Variants in SGSM3 observed in about 807,000 individuals in gnomAD.
SGSM3 encodes the protein RUN and SH3 containing 3.
Under a neutral mutation model 100.5 loss-of-function variants are expected in SGSM3, and 96 were observed. That is an observed-to-expected ratio of 0.96 (90% CI 0.81 to 1.13). The LOEUF (loss-of-function observed/expected upper bound fraction) is 1.13. Among genes scored for constraint, SGSM3 ranks in the 50% most tolerant of loss-of-function variants. SGSM3 has a pLI of 0.00. For missense variants in SGSM3, 1,001 were observed against 1,015.8 expected (o/e 0.99, Z 0.20); for synonymous variants, 483 against 422.8 (o/e 1.14, Z -1.75).
chr22:40,406,867 G>A, intron 10 of SGSM3, 150 bp from the exon 11 acceptor site: 1 of 940,980 alleles, frequency 1.1e-6, no homozygotes, highest in Non-Finnish European at 1.6e-6. Context: ...GCACGGTTTG[G>A]GAGGAAGGCA....
chr22:40,401,984 G>A (rs56316811), intron 3 of SGSM3, among the ~76,000 whole-genome samples, 155 bp from the exon 4 acceptor site: 69 of 152,332 alleles, frequency 4.5e-4, no homozygotes, highest in East Asian at 3.5e-3. Flanking sequence ...AGAAGGTTGC[G>A]TGGTAACCAG....
intron 1 of SGSM3, among the ~76,000 whole-genome samples, chr22:40,386,870 A>C (rs1419903620): frequency 4.6e-5 from 7 of 151,988 alleles, no homozygotes; most frequent in Non-Finnish European, 1.0e-4. Context: ...TCTGTTAGAG[A>C]AGTTGGTTTG....
chr22:40,399,901 T>C (rs2050513353), intron 1 of SGSM3, among the ~76,000 whole-genome samples: 1 of 152,236 alleles, frequency 6.6e-6, no homozygotes, highest in Non-Finnish European at 1.5e-5. Flanking sequence ...TAAACTTGGC[T>C]TGGCCAGTGT....
chr22:40,402,273 T>C, intron 4 of SGSM3, 68 bp downstream of exon 4: 1 of 1,213,856 alleles, frequency 8.2e-7, no homozygotes, highest in Non-Finnish European at 1.2e-6. Flanking sequence ...CTCCCTTGAC[T>C]GAATTACTCG....
chr22:40,372,122 C>CTTTTTTTTTTTTTT (rs58396730), intron 1 of SGSM3, among the ~76,000 whole-genome samples: 1 of 65,200 alleles, frequency 1.5e-5, no homozygotes, highest in Non-Finnish European at 2.7e-5. Flanking sequence ...TCCCCCCCCC[C>CTTTTTTTTTTTTTT]TTTTTTTTTT....
At chr22:40,370,801 A>T (rs2045268768) in intron 1 of SGSM3, 113 bp downstream of exon 1, 1 of 152,052 alleles carries the variant, frequency 6.6e-6, no homozygotes, top group Admixed American at 6.5e-5. Flanking sequence ...GTATGGGCCG[A>T]AGGCGCCCAC....
At chr22:40,383,174 G>A (rs181242480) in intron 1 of SGSM3, among the ~76,000 whole-genome samples, 95 of 152,274 alleles carry the variant, frequency 6.2e-4, no homozygotes, top group Non-Finnish European at 3.8e-4. Flanking sequence ...TGAGATAGAA[G>A]TCAGTAGGAA....
chr22:40,389,387 C>T (rs2049000207), intron 1 of SGSM3, among the ~76,000 whole-genome samples: 1 of 149,124 alleles, frequency 6.7e-6, no homozygotes, highest in Non-Finnish European at 1.5e-5. Context: ...ATCACGAGGT[C>T]AGGAGATCCC....
At chr22:40,379,898 A>G (rs1266400173) in intron 1 of SGSM3, among the ~76,000 whole-genome samples, 1 of 151,898 alleles carries the variant, frequency 6.6e-6, no homozygotes, top group Non-Finnish European at 1.5e-5. Flanking sequence ...TTTTGTAGAG[A>G]TTGGGTTTCG....
chr22:40,380,646 T>C (rs1198960071), intron 1 of SGSM3, among the ~76,000 whole-genome samples: 2 of 152,116 alleles, frequency 1.3e-5, no homozygotes, highest in South Asian at 2.1e-4. Context: ...CCTATAACTT[T>C]ATAATCATAA....
At chr22:40,405,550 C>G (rs768358372) in intron 7 of SGSM3, 99 bp from the exon 8 acceptor site, 69 of 1,168,968 alleles carry the variant, frequency 5.9e-5, no homozygotes, top group Admixed American at 1.3e-4. Flanking sequence ...GCGTGCCCCC[C>G]AAGAGGCTTT....
intron 1 of SGSM3, among the ~76,000 whole-genome samples, chr22:40,381,308 C>T (rs1253835401): frequency 1.3e-5 from 2 of 151,982 alleles, no homozygotes; most frequent in Admixed American, 6.6e-5. Flanking sequence ...CCACCACACT[C>T]AGCTAATTTT....
rs1220958537 is a variant in SGSM3 at position 40,389,912 on chromosome 22, A to G, written c.-111-10784A>G. Among the ~76,000 whole-genome samples, 3 of 145,712 alleles carry G rather than the reference A, an allele frequency of 2.1e-5. 1 individual carries two copies. The Admixed American group carries it at 2.3e-4, about 11-fold the overall frequency. On this transcript the variant is annotated intron_variant, in intron 1 of 21. Transcript: ENST00000248929. ...AGAGGGAAACTCCGTCTCAAAAAAA[A>G]AAAGAAAAAAAAAAAAAAAAGAACT...
intron 1 of SGSM3, among the ~76,000 whole-genome samples, chr22:40,391,146 A>T (rs2049301806): frequency 6.6e-6 from 1 of 152,194 alleles, no homozygotes. Flanking sequence ...AATTCAGGTC[A>T]GTGGTTCTCA....
At chr22:40,377,862 A>T (rs1295554785) in intron 1 of SGSM3, among the ~76,000 whole-genome samples, 1 of 151,840 alleles carries the variant, frequency 6.6e-6, no homozygotes, top group African/African-American at 2.4e-5. Flanking sequence ...AAAAAAAAAA[A>T]AGTTAAAATA....
intron 4 of SGSM3, among the ~76,000 whole-genome samples, chr22:40,403,625 A>G: frequency 6.6e-6 from 1 of 152,208 alleles, no homozygotes; most frequent in East Asian, 1.9e-4. Context: ...CAAGAGGAAA[A>G]TGGCAGGGGG....
chr22:40,409,040 G>C, intron 19 of SGSM3, 22 bp downstream of exon 19: 1 of 1,556,018 alleles, frequency 6.4e-7, no homozygotes, highest in Non-Finnish European at 8.7e-7. Context: ...AAAGGGGTTG[G>C]AGGAGAGCCC....
intron 1 of SGSM3, chr22:40,387,364 G>A (rs530240604): frequency 3.3e-5 from 13 of 392,386 alleles, no homozygotes; most frequent in Admixed American, 2.2e-4. Context: ...AAACATTTCC[G>A]GTAATTATAT....
intron 19 of SGSM3, 24 bp downstream of exon 19, chr22:40,409,042 G>A: frequency 6.4e-7 from 1 of 1,554,746 alleles, no homozygotes; most frequent in Non-Finnish European, 8.7e-7. Context: ...AGGGGTTGGA[G>A]GAGAGCCCTG....
Sources: gnomAD v4.1 joint callset for allele counts (sites outside exome capture counted in the v4.1 genomes callset) on GRCh38, gnomAD v4.1.1 for gene constraint, MANE v1.5 for transcripts, NCBI Gene and HGNC (gene_info 2026-07-23, HGNC 2026-07-21) for gene names.